Variants in OPCML observed in about 807,000 individuals in gnomAD.
OPCML encodes the protein opioid binding protein/cell adhesion molecule like.
OPCML carries 13 observed loss-of-function variants against 37.8 expected under a neutral mutation model. The ratio of observed to expected loss-of-function variants is 0.34; its 90% CI spans 0.22 to 0.55. The LOEUF is 0.55. Ranked by LOEUF, OPCML falls within the 20% of genes least tolerant of loss-of-function variation. The pLI is 0.91. For synonymous variants in OPCML, 176 were observed against 168.8 expected (o/e 1.04, Z -0.33); for missense variants, 341 against 435.6 (o/e 0.78, Z 1.93).
chr11:132,566,605 A>G (rs1005204309), intron 3 of OPCML, among the ~76,000 whole-genome samples: 2 of 152,222 alleles, frequency 1.3e-5, no homozygotes, highest in Non-Finnish European at 2.9e-5. Context: ...CTGTTGAGAG[A>G]CCACTTTGTT....
intron 1 of OPCML, among the ~76,000 whole-genome samples, chr11:132,975,691 GCTTT>G (rs1472194602): frequency 6.6e-5 from 10 of 151,340 alleles, no homozygotes; most frequent in Non-Finnish European, 1.5e-5. Context: ...TCAGCAGCTG[GCTTT>G]CTTTTTTGCA....
At chr11:132,613,582 A>T (rs1187684778) in intron 3 of OPCML, among the ~76,000 whole-genome samples, 1 of 152,234 alleles carries the variant, frequency 6.6e-6, no homozygotes, top group Non-Finnish European at 1.5e-5. Flanking sequence ...TTGGAATCCC[A>T]GTCGTTCTTC....
chr11:132,901,104 C>A (rs145113824), intron 2 of OPCML, among the ~76,000 whole-genome samples: 1 of 151,988 alleles, frequency 6.6e-6, no homozygotes, highest in Non-Finnish European at 1.5e-5. Flanking sequence ...CACTTGAACC[C>A]GGGAGGCGGA....
At position 132,419,487 on chromosome 11, in the gene OPCML, C is replaced by T. The variant is rs370776179; in HGVS notation, c.*706G>A. 2 of 152,250 alleles carry T rather than the reference C, an allele frequency of 1.3e-5. No individual in the cohort carries two copies. Among genetic ancestry groups the T allele is most frequent in the South Asian group, 2.1e-4 (1 of 4,814 alleles). 9.4% of individuals were successfully genotyped at this position (152,250 alleles called of 1,614,324 possible). On this transcript the variant is annotated 3_prime_UTR_variant, in exon 8 of 8. Transcript: ENST00000524381. ...GAGGTTCTATCTTCAAAATGCCTCC[C>T]CCTTTTTTGGTTACTTGACTTGCAA...
At chr11:132,684,615 A>G (rs537284357) in intron 2 of OPCML, among the ~76,000 whole-genome samples, 1 of 152,342 alleles carries the variant, frequency 6.6e-6, no homozygotes, top group South Asian at 2.1e-4. Context: ...AAATATTATA[A>G]TTATAAAACC....
intron 2 of OPCML, among the ~76,000 whole-genome samples, chr11:132,788,582 C>A (rs12280377): frequency 0.2 from 29,842 of 152,164 alleles, 3,754 homozygotes; most frequent in Non-Finnish European, 0.3. Context: ...CCATCATCAT[C>A]CCCATCAGCA....
intron 1 of OPCML, among the ~76,000 whole-genome samples, chr11:133,388,574 A>G (rs1945105652): frequency 6.6e-6 from 1 of 152,174 alleles, no homozygotes; most frequent in African/African-American, 2.4e-5. Context: ...CAACGTCAAA[A>G]AGGGTGTTCA....
At chr11:132,529,245 G>T in intron 3 of OPCML, 59 bp from the exon 4 acceptor site, 1 of 1,526,134 alleles carries the variant, frequency 6.6e-7, no homozygotes, top group Non-Finnish European at 8.8e-7. Context: ...TTAAAAGGAG[G>T]TGTTAGCCTA....
At chr11:132,965,865 C>A (rs548260393) in intron 1 of OPCML, among the ~76,000 whole-genome samples, 9 of 152,188 alleles carry the variant, frequency 5.9e-5, no homozygotes, top group South Asian at 2.1e-4. Context: ...TATTATTATT[C>A]TTATTTCTGT....
intron 7 of OPCML, among the ~76,000 whole-genome samples, chr11:132,429,307 G>A (rs1565554651): frequency 1.3e-5 from 2 of 152,182 alleles, no homozygotes; most frequent in Non-Finnish European, 2.9e-5. Context: ...GCCCTGCTGT[G>A]GCAAACCGAC....
intron 1 of OPCML, among the ~76,000 whole-genome samples, chr11:133,320,219 T>C (rs991041022): frequency 2.0e-5 from 3 of 152,366 alleles, no homozygotes; most frequent in Admixed American, 2.0e-4. Flanking sequence ...TTTGGTTAAT[T>C]GAATGAATAG....
Position 133,120,771 on chromosome 11 carries a change from T to C in OPCML, c.62-177761A>G, listed in dbSNP as rs188307480. 2.6e-5 allele frequency among the ~76,000 whole-genome samples: 4 copies of C among 152,338 alleles called. No individual in the cohort carries two copies. In the East Asian group the frequency reaches 5.8e-4, roughly 22 times the overall value. Reference sequence around the variant, plus strand: ...AGTTCATGCTTTGGCCAGTCTACTATGATCACATACATCTCAGAAGTTTTC... The same window carrying C: ...AGTTCATGCTTTGGCCAGTCTACTACGATCACATACATCTCAGAAGTTTTC... On this transcript the variant is annotated intron_variant, in intron 1 of 7. Transcript: ENST00000524381.
intron 1 of OPCML, among the ~76,000 whole-genome samples, chr11:132,965,877 A>C (rs1344834322): frequency 6.6e-6 from 1 of 152,150 alleles, no homozygotes; most frequent in Non-Finnish European, 1.5e-5. Flanking sequence ...TATTTCTGTA[A>C]GGTCATTAAT....
At chr11:133,353,285 G>T (rs995053872) in intron 1 of OPCML, among the ~76,000 whole-genome samples, 1 of 151,978 alleles carries the variant, frequency 6.6e-6, no homozygotes, top group African/African-American at 2.4e-5. Context: ...TCTGGCCTCA[G>T]CCTCCCAAGT....
intron 3 of OPCML, among the ~76,000 whole-genome samples, chr11:132,552,516 C>T (rs1308495417): frequency 3.3e-5 from 5 of 152,070 alleles, no homozygotes; most frequent in Admixed American, 1.3e-4. Flanking sequence ...TTTTGTTTGA[C>T]GTTTTTTGAA....
intron 1 of OPCML, among the ~76,000 whole-genome samples, chr11:133,051,443 ACCCCTT>A (rs1378996260): frequency 6.6e-6 from 1 of 151,864 alleles, no homozygotes; most frequent in Non-Finnish European, 1.5e-5. Context: ...TCATTAAAGC[ACCCCTT>A]CCTGTTCAGG....
chr11:132,950,942 C>T (rs535496487), intron 1 of OPCML, among the ~76,000 whole-genome samples: 37 of 152,264 alleles, frequency 2.4e-4, no homozygotes, highest in African/African-American at 7.5e-4. Flanking sequence ...CAATGTGAGT[C>T]GAAGGACCTG....
chr11:132,495,719 G>A (rs1028711667), intron 4 of OPCML, among the ~76,000 whole-genome samples: 4 of 152,050 alleles, frequency 2.6e-5, no homozygotes, highest in East Asian at 1.9e-4. Context: ...GTGAAAACCC[G>A]TCTCCACTAA....
At chr11:132,762,353 G>A (rs577544530) in intron 2 of OPCML, among the ~76,000 whole-genome samples, 16 of 152,308 alleles carry the variant, frequency 1.1e-4, no homozygotes, top group East Asian at 1.9e-4. Flanking sequence ...TGGGACATCC[G>A]CCTCTCTCCT....
Sources: allele counts gnomAD v4.1 joint callset (sites outside exome capture counted in the v4.1 genomes callset), GRCh38; gene constraint gnomAD v4.1.1; transcripts MANE v1.5; gene names NCBI Gene and HGNC (gene_info 2026-07-23, HGNC 2026-07-21).